Variants in PKIA observed in about 807,000 individuals in gnomAD.
The protein encoded by PKIA is PKI-alpha.
A neutral mutation model predicts 7.6 loss-of-function variants in PKIA; 4 were observed. That is an observed-to-expected ratio of 0.52 (90% confidence interval 0.26 to 1.20). PKIA has a LOEUF of 1.20. Among genes scored for constraint, PKIA ranks in the 50% most tolerant of loss-of-function variants. The probability of loss-of-function intolerance (pLI) is 0.13; values close to 1 mark genes in which losing one functional copy is unlikely to be tolerated. For synonymous variants in PKIA, 21 were observed against 30.7 expected (o/e 0.68, Z 1.04); for missense variants, 73 against 86.2 (o/e 0.85, Z 0.61).
chr8:78,598,550 A>C lies in PKIA; in HGVS notation c.151+15A>C. On this transcript the variant is annotated intron_variant, in intron 3 of 3. Transcript: ENST00000396418. ...CAACAAGACAGGTAAGTCATCTGGCACACATTTCTCTATGAGCATGGAATG... is the reference window on the plus strand; with the variant it reads ...CAACAAGACAGGTAAGTCATCTGGCCCACATTTCTCTATGAGCATGGAATG... 1 of 1,596,670 alleles carries C rather than the reference A, an allele frequency of 6.3e-7. No homozygotes were observed. The highest frequency in any genetic ancestry group is 8.6e-7 in the Non-Finnish European group (1 of 1,167,262).
At chr8:78,581,775 TAA>T (rs1275645816) in intron 2 of PKIA, among the ~76,000 whole-genome samples, 1 of 152,086 alleles carries the variant, frequency 6.6e-6, no homozygotes, top group Non-Finnish European at 1.5e-5. Flanking sequence ...CTTTTGTTAT[TAA>T]GGGCATTATT....
At chr8:78,550,637 G>A (rs1806959137) in intron 1 of PKIA, among the ~76,000 whole-genome samples, 1 of 152,010 alleles carries the variant, frequency 6.6e-6, no homozygotes, top group Non-Finnish European at 1.5e-5. Flanking sequence ...CCTTATCTGA[G>A]TTAAATATTT....
chr8:78,554,255 G>C (rs571343333), intron 1 of PKIA, among the ~76,000 whole-genome samples: 1 of 152,122 alleles, frequency 6.6e-6, no homozygotes, highest in South Asian at 2.1e-4. Flanking sequence ...CGCCAGGCCA[G>C]GGTTTTCACT....
chr8:78,541,803 T>TTC (rs1384993798), intron 1 of PKIA, among the ~76,000 whole-genome samples: 5 of 148,492 alleles, frequency 3.4e-5, no homozygotes, highest in African/African-American at 1.0e-4. Flanking sequence ...AAATTTGGAT[T>TTC]TCTCTTTTTT....
At chr8:78,554,278 A>G (rs1463638167) in intron 1 of PKIA, among the ~76,000 whole-genome samples, 4 of 152,014 alleles carry the variant, frequency 2.6e-5, no homozygotes, top group Non-Finnish European at 4.4e-5. Flanking sequence ...GCAACCTAGC[A>G]TGTAGCCCTA....
chr8:78,586,973 T>C (rs1807962952), intron 2 of PKIA, among the ~76,000 whole-genome samples: 1 of 152,216 alleles, frequency 6.6e-6, no homozygotes, highest in African/African-American at 2.4e-5. Flanking sequence ...TTGTTTTTGT[T>C]ATTGTTATTA....
At chr8:78,580,450 C>A (rs1374929587) in intron 2 of PKIA, among the ~76,000 whole-genome samples, 1 of 151,990 alleles carries the variant, frequency 6.6e-6, no homozygotes, top group Admixed American at 6.6e-5. Flanking sequence ...TTCGATGAGG[C>A]CTAGTAAGCC....
chr8:78,544,432 A>G (rs185384486), intron 1 of PKIA, among the ~76,000 whole-genome samples: 1 of 152,062 alleles, frequency 6.6e-6, no homozygotes, highest in Non-Finnish European at 1.5e-5. Flanking sequence ...TGTCCTTCTC[A>G]TGGGTTCACC....
chr8:78,596,635 A>G (rs1808231291), intron 2 of PKIA, among the ~76,000 whole-genome samples: 1 of 152,106 alleles, frequency 6.6e-6, no homozygotes, highest in African/African-American at 2.4e-5. Flanking sequence ...TACTCTGTTC[A>G]TAGTTTCTTT....
At chr8:78,582,227 G>T (rs1191212459) in intron 2 of PKIA, among the ~76,000 whole-genome samples, 1 of 146,432 alleles carries the variant, frequency 6.8e-6, no homozygotes, top group Admixed American at 6.9e-5. Context: ...GTTTGTATTA[G>T]TCCATTCTCA....
chr8:78,554,598 A>C (rs13263782), intron 1 of PKIA, among the ~76,000 whole-genome samples: 12,565 of 152,028 alleles, frequency 0.083, 580 homozygotes, highest in Middle Eastern at 0.17. Flanking sequence ...GAAGTTTACC[A>C]GGATGAAAAG....
chr8:78,521,804 A>G lies in PKIA; in HGVS notation c.-157+5336A>G, dbSNP rs112992193. On this transcript the variant is annotated intron_variant, in intron 1 of 3. Coordinates refer to ENST00000396418, the MANE Select transcript of PKIA (RefSeq NM_006823.4). ...ATGTTGGGCAACTATCACCACTATCAGTTTTCAGAACTGTCTCATTATCAC... is the reference window on the plus strand; with the variant it reads ...ATGTTGGGCAACTATCACCACTATCGGTTTTCAGAACTGTCTCATTATCAC... 4.3e-4 allele frequency among the ~76,000 whole-genome samples: 65 copies of G among 151,932 alleles called. 1 individual carries two copies. The highest frequency in any genetic ancestry group is 1.4e-3 in the African/African-American group (60 of 41,400).
At chr8:78,587,405 A>G (rs1202029805) in intron 2 of PKIA, among the ~76,000 whole-genome samples, 1 of 152,190 alleles carries the variant, frequency 6.6e-6, no homozygotes, top group Non-Finnish European at 1.5e-5. Flanking sequence ...TGGGTAAGAC[A>G]TTGGTCAAGT....
At position 78,604,141 on chromosome 8, in the gene PKIA, A is replaced by G. The variant is rs1368184062; in HGVS notation, c.*2320A>G. 1 of 151,972 alleles carries G rather than the reference A, an allele frequency of 6.6e-6. No homozygotes were observed. The highest frequency in any genetic ancestry group is 1.5e-5 in the Non-Finnish European group (1 of 67,922). The allele number at this position is 151,972 out of a possible 1,614,324, so 9.4% of individuals were successfully genotyped here. Reference sequence around the variant, plus strand: ...GAATACATATGGATTTGAATTTTTAAGGAGAGAAGGAAAGGGTAGGAAACC... The same window carrying G: ...GAATACATATGGATTTGAATTTTTAGGGAGAGAAGGAAAGGGTAGGAAACC... On this transcript the variant is annotated 3_prime_UTR_variant, in exon 4 of 4. Transcript: ENST00000396418.
At chr8:78,594,187 A>G (rs1224361049) in intron 2 of PKIA, among the ~76,000 whole-genome samples, 2 of 152,174 alleles carry the variant, frequency 1.3e-5, no homozygotes, top group African/African-American at 4.8e-5. Context: ...GGTAAAAGAG[A>G]AGATGGTGTT....
chr8:78,553,947 G>A (rs1034281477), intron 1 of PKIA, among the ~76,000 whole-genome samples: 14 of 151,976 alleles, frequency 9.2e-5, no homozygotes, highest in African/African-American at 2.7e-4. Flanking sequence ...CAGAACACGG[G>A]ATGGGGAGGA....
intron 1 of PKIA, among the ~76,000 whole-genome samples, chr8:78,545,516 G>T (rs1806798124): frequency 6.6e-6 from 1 of 152,144 alleles, no homozygotes; most frequent in East Asian, 1.9e-4. Context: ...ATAACCTTAA[G>T]ATCAGAACTT....
intron 2 of PKIA, among the ~76,000 whole-genome samples, chr8:78,574,996 CTAAG>C (rs1471863896): frequency 6.6e-6 from 1 of 151,880 alleles, no homozygotes; most frequent in Non-Finnish European, 1.5e-5. Context: ...TGAAAGTTCT[CTAAG>C]TACAAAATTT....
chr8:78,543,822 T>C (rs2118427111), intron 1 of PKIA, among the ~76,000 whole-genome samples: 1 of 152,344 alleles, frequency 6.6e-6, no homozygotes, highest in Admixed American at 6.5e-5. Context: ...TACGATGTCG[T>C]GTTGCTGCCC....
Sources: gnomAD v4.1 joint callset for allele counts (sites outside exome capture counted in the v4.1 genomes callset) on GRCh38, gnomAD v4.1.1 for gene constraint, MANE v1.5 for transcripts, NCBI Gene and HGNC (gene_info 2026-07-23, HGNC 2026-07-21) for gene names.